GAD2: variants seen among roughly 807,000 people sequenced by gnomAD.
GAD2 encodes glutamate decarboxylase 2.
GAD2 carries 22 observed loss-of-function variants against 80.1 expected under a neutral mutation model. The ratio of observed to expected loss-of-function variants is 0.27; its 90% CI spans 0.20 to 0.39. GAD2 has a LOEUF of 0.39. GAD2 is among the 10% of genes least tolerant of loss of function. The pLI is 1.00. For synonymous variants in GAD2, 274 were observed against 256.9 expected, an observed-to-expected ratio of 1.07 and a Z score of -0.64; for missense variants, 624 against 738.4, an observed-to-expected ratio of 0.85 and a Z score of 1.80.
At chr10:26,220,882 T>A (rs1844444901) in intron 4 of GAD2, among the ~76,000 whole-genome samples, 1 of 152,356 alleles carries the variant, frequency 6.6e-6, no homozygotes, top group Middle Eastern at 3.4e-3. Context: ...ACGTTGCATT[T>A]AGTGCCAGGA....
intron 4 of GAD2, among the ~76,000 whole-genome samples, chr10:26,222,942 T>C (rs1358269510): frequency 6.6e-6 from 1 of 152,236 alleles, no homozygotes; most frequent in Non-Finnish European, 1.5e-5. Context: ...TCTTCTAAAA[T>C]TTTTGCTGCT....
chr10:26,273,516 A>T, intron 10 of GAD2, 120 bp from the exon 11 acceptor site: 3 of 757,604 alleles, frequency 4.0e-6, no homozygotes, highest in Non-Finnish European at 6.9e-6. Flanking sequence ...TGCCAGAAGG[A>T]GGTGGTCAAC....
intron 8 of GAD2, among the ~76,000 whole-genome samples, chr10:26,262,972 T>A (rs1198043937): frequency 6.6e-6 from 1 of 152,110 alleles, no homozygotes; most frequent in African/African-American, 2.4e-5. Context: ...CCCTGTCAGC[T>A]CTAATACTAC....
Position 26,303,125 on chromosome 10 carries a change from T to G in GAD2, c.*2164T>G, listed in dbSNP as rs1834344773. 1 of 152,206 alleles carries G rather than the reference T, an allele frequency of 6.6e-6. No individual in the cohort carries two copies. Among genetic ancestry groups the G allele is most frequent in the Non-Finnish European group, 1.5e-5 (1 of 68,042 alleles). The allele number at this position is 152,206 out of a possible 1,614,324, so 9.4% of individuals were successfully genotyped here. A position where few individuals can be genotyped will look rare whatever the true frequency, so the allele number is the denominator to read the frequency against. On this transcript the variant is annotated 3_prime_UTR_variant, in exon 16 of 16. Coordinates refer to ENST00000376261, the MANE Select transcript of GAD2 (RefSeq NM_001134366.2). Reference sequence around the variant, plus strand: ...CTGCTGTACTCCAGGATGCTTTATCTTTTGAGTTACAGATCCTAGATTATA... The same window carrying G: ...CTGCTGTACTCCAGGATGCTTTATCGTTTGAGTTACAGATCCTAGATTATA...
At chr10:26,231,939 G>A (rs1844607487) in intron 7 of GAD2, among the ~76,000 whole-genome samples, 1 of 152,006 alleles carries the variant, frequency 6.6e-6, no homozygotes, top group Non-Finnish European at 1.5e-5. Flanking sequence ...GATAATCCAG[G>A]GCAATCCCCC....
Position 26,217,034 on chromosome 10 carries a change from G to T in GAD2, c.76+149G>T. 1.6e-6 allele frequency: 1 copy of T among 642,322 alleles called. No homozygotes were observed. Among genetic ancestry groups the T allele is most frequent in the South Asian group, 2.0e-5 (1 of 51,142 alleles). 39.8% of individuals were successfully genotyped at this position (642,322 alleles called of 1,614,324 possible). On this transcript the variant is annotated intron_variant, in intron 1 of 15. Transcript: ENST00000376261. The surrounding 1 kb of genome is among the most constrained non-coding windows in gnomAD (Gnocchi z 4.9). ...CTGCTTTTGGGCTAAGTCCTTGACG[G>T]CCCAAGAGCTCAAGACCTCTACAGC...
chr10:26,287,020 T>C (rs766408465), intron 13 of GAD2, among the ~76,000 whole-genome samples: 2 of 152,220 alleles, frequency 1.3e-5, no homozygotes, highest in Non-Finnish European at 2.9e-5. Flanking sequence ...TGAGTTTCCC[T>C]CTGAATTTAG....
At chr10:26,277,575 G>A (rs569119066) in intron 11 of GAD2, among the ~76,000 whole-genome samples, 1 of 152,316 alleles carries the variant, frequency 6.6e-6, no homozygotes, top group South Asian at 2.1e-4. Flanking sequence ...CAGACTAGAA[G>A]CTATTAAGCT....
At chr10:26,247,491 G>T (rs1160500212) in intron 8 of GAD2, among the ~76,000 whole-genome samples, 1 of 152,094 alleles carries the variant, frequency 6.6e-6, no homozygotes, top group South Asian at 2.1e-4. Flanking sequence ...CTCTGACAAA[G>T]CCACAGGAGG....
intron 15 of GAD2, among the ~76,000 whole-genome samples, chr10:26,299,465 C>T (rs746590130): frequency 3.9e-5 from 6 of 152,172 alleles, no homozygotes; most frequent in Non-Finnish European, 8.8e-5. Context: ...TATTTACAAA[C>T]TCCAGTGGTA....
chr10:26,242,647 AT>A (rs1844757399), intron 7 of GAD2, among the ~76,000 whole-genome samples: 1 of 151,450 alleles, frequency 6.6e-6, no homozygotes, highest in African/African-American at 2.4e-5. Context: ...TTGCTACCTA[AT>A]TTTCTTTTTC....
intron 7 of GAD2, among the ~76,000 whole-genome samples, chr10:26,238,049 A>C (rs1001810177): frequency 1.4e-5 from 2 of 145,500 alleles, no homozygotes; most frequent in African/African-American, 5.1e-5. Context: ...CACACACACA[A>C]GAAAAGAAAG....
chr10:26,275,041 ACC>A (rs1845182805), intron 11 of GAD2, among the ~76,000 whole-genome samples: 1 of 152,086 alleles, frequency 6.6e-6, no homozygotes, highest in Non-Finnish European at 1.5e-5. Context: ...CTGCTCTTGG[ACC>A]CTTGGGGCTT....
Position 26,304,049 on chromosome 10 carries a change from C to T in GAD2, c.*3088C>T, listed in dbSNP as rs1464135164. On this transcript the variant is annotated 3_prime_UTR_variant, in exon 16 of 16. Transcript: ENST00000376261. ...GCTCTAATAGAGAACATGCCCTCAG[C>T]TAAGCCCCCTACTGAGAAACTTCCT... 1 of 152,156 alleles carries T rather than the reference C, an allele frequency of 6.6e-6. No homozygotes were observed. Among genetic ancestry groups the T allele is most frequent in the Non-Finnish European group, 1.5e-5 (1 of 68,032 alleles). The allele number at this position is 152,156 out of a possible 1,614,324, so 9.4% of individuals were successfully genotyped here. A position where few individuals can be genotyped will look rare whatever the true frequency, so the allele number is the denominator to read the frequency against.
chr10:26,282,724 T>C (rs1157455554), intron 12 of GAD2, among the ~76,000 whole-genome samples: 1 of 152,210 alleles, frequency 6.6e-6, no homozygotes, highest in East Asian at 1.9e-4. Context: ...CTCCTCAATG[T>C]GGGATTGCTG....
At chr10:26,266,540 T>A (rs1845076057) in intron 8 of GAD2, among the ~76,000 whole-genome samples, 1 of 152,232 alleles carries the variant, frequency 6.6e-6, no homozygotes, top group South Asian at 2.1e-4. Flanking sequence ...AATGTTTATC[T>A]ACCACCTGCC....
intron 5 of GAD2, among the ~76,000 whole-genome samples, chr10:26,224,226 C>T (rs1003179300): frequency 4.6e-5 from 7 of 152,016 alleles, no homozygotes; most frequent in African/African-American, 1.7e-4. Flanking sequence ...TATTATTGTG[C>T]ATAATGTCAA....
chr10:26,230,130 C>T (rs1279310006), intron 7 of GAD2, among the ~76,000 whole-genome samples: 5 of 151,934 alleles, frequency 3.3e-5, no homozygotes, highest in South Asian at 4.2e-4. Flanking sequence ...ATTGCACCAC[C>T]ACACTCCAGC....
At chr10:26,258,917 G>A (rs1047631595) in intron 8 of GAD2, among the ~76,000 whole-genome samples, 3 of 151,784 alleles carry the variant, frequency 2.0e-5, no homozygotes, top group South Asian at 2.1e-4. Flanking sequence ...AGGTTCAAGC[G>A]AATTTCCTGC....
Sources: gnomAD v4.1 joint callset for allele counts (sites outside exome capture counted in the v4.1 genomes callset) on GRCh38, gnomAD v4.1.1 for gene constraint, Gnocchi (gnomAD v3.1) non-coding constraint, MANE v1.5 for transcripts, NCBI Gene and HGNC (gene_info 2026-07-23, HGNC 2026-07-21) for gene names.